SLC4A7: variants seen among roughly 807,000 people sequenced by gnomAD.
SLC4A7 encodes the protein solute carrier family 4 member 7.
SLC4A7 carries 51 observed loss-of-function variants against 137.6 expected under a neutral mutation model. The ratio of observed to expected loss-of-function variants is 0.37; its 90% CI spans 0.30 to 0.47. The LOEUF is 0.47. SLC4A7 is among the 20% of genes least tolerant of loss of function. The pLI, the probability that SLC4A7 is intolerant of heterozygous loss-of-function variation, is 1.00. For synonymous variants in SLC4A7, 542 were observed against 518.6 expected, an observed-to-expected ratio of 1.05 and a Z score of -0.61; for missense variants, 1,247 against 1,525.4, an observed-to-expected ratio of 0.82 and a Z score of 3.04.
chr3:27,430,290 G>A (rs1231655989), intron 7 of SLC4A7, among the ~76,000 whole-genome samples: 2 of 148,648 alleles, frequency 1.3e-5, no homozygotes, highest in African/African-American at 4.9e-5. Context: ...CACCTTATGA[G>A]TGAACTGCAT....
intron 1 of SLC4A7, among the ~76,000 whole-genome samples, chr3:27,453,379 CCAAGGT>C (rs1277288454): frequency 3.3e-5 from 5 of 152,170 alleles, no homozygotes. Flanking sequence ...CTTTGGGAGG[CCAAGGT>C]GGGCAGATCA....
intron 10 of SLC4A7, among the ~76,000 whole-genome samples, chr3:27,419,449 T>A (rs1005204014): frequency 6.6e-6 from 1 of 151,490 alleles, no homozygotes; most frequent in Non-Finnish European, 1.5e-5. Flanking sequence ...ATGCCTGTAA[T>A]CCCAGCTACT....
intron 3 of SLC4A7, among the ~76,000 whole-genome samples, chr3:27,438,002 G>C (rs1295667165): frequency 1.3e-5 from 2 of 152,076 alleles, no homozygotes; most frequent in African/African-American, 4.8e-5. Context: ...CTCGAGACCA[G>C]CCTAGCCAAC....
At chr3:27,401,077 A>C in intron 15 of SLC4A7, 1 of 392,924 alleles carries the variant, frequency 2.5e-6, no homozygotes, top group Non-Finnish European at 4.6e-6. Context: ...ACAAATATCA[A>C]AACGTTTAGT....
chr3:27,462,144 A>G (rs1243327213), intron 1 of SLC4A7, among the ~76,000 whole-genome samples: 4 of 152,164 alleles, frequency 2.6e-5, no homozygotes, highest in African/African-American at 7.2e-5. Context: ...TTAAATTCAC[A>G]TTTAAAACTA....
At chr3:27,464,845 G>A (rs955894845) in intron 1 of SLC4A7, among the ~76,000 whole-genome samples, 1 of 152,208 alleles carries the variant, frequency 6.6e-6, no homozygotes, top group Non-Finnish European at 1.5e-5. Flanking sequence ...AGTGGGGGAA[G>A]AGCCTGGCCC....
intron 20 of SLC4A7, among the ~76,000 whole-genome samples, chr3:27,393,560 A>G (rs979921235): frequency 1.3e-5 from 2 of 152,202 alleles, no homozygotes; most frequent in African/African-American, 4.8e-5. Flanking sequence ...CAGATATTAG[A>G]AAGACTTATT....
intron 3 of SLC4A7, among the ~76,000 whole-genome samples, chr3:27,439,979 G>A (rs1316928209): frequency 1.3e-5 from 2 of 152,196 alleles, no homozygotes; most frequent in East Asian, 3.8e-4. Context: ...AACCTATTTA[G>A]ATAGTTGTAT....
chr3:27,407,623 C>T (rs1026053785), intron 13 of SLC4A7, among the ~76,000 whole-genome samples: 1 of 152,092 alleles, frequency 6.6e-6, no homozygotes, highest in Non-Finnish European at 1.5e-5. Flanking sequence ...ACTGTACTAC[C>T]CTTTCAAATC....
Position 27,400,828 on chromosome 3 carries a change from A to G in SLC4A7, c.2363T>C (p.Leu788Pro), listed in dbSNP as rs775266483. 5.0e-6 allele frequency: 8 copies of G among 1,607,834 alleles called. No individual in the cohort carries two copies. Among genetic ancestry groups the G allele is most frequent in the Non-Finnish European group, 6.8e-6 (8 of 1,174,426 alleles). Residue 788 changes from leucine to proline, a missense_variant, in exon 16 of 26, where the codon CTA (leucine) becomes CCA (proline). This residue lies in a region of SLC4A7 where 499 missense variants were observed against 664.2 expected (regional missense o/e 0.75). Coordinates refer to ENST00000454389, the MANE Select transcript of SLC4A7 (RefSeq NM_001321103.2). ...TEPPNPSNETLAQWKKDNITA... is the reference protein window; with the variant it reads ...TEPPNPSNETPAQWKKDNITA... ...TATATTATCTTTCTTCCATTGTGCT[A>G]GAGTTTCATTGCTGGGGTTTGGAGG...
At chr3:27,467,863 G>A (rs1030593079) in intron 1 of SLC4A7, among the ~76,000 whole-genome samples, 8 of 152,126 alleles carry the variant, frequency 5.3e-5, no homozygotes, top group African/African-American at 1.9e-4. Flanking sequence ...AACTTCTCTA[G>A]CAGTTGCTTT....
chr3:27,373,799 A>G lies in SLC4A7; in HGVS notation c.*2965T>C, dbSNP rs1361121654. On this transcript the variant is annotated 3_prime_UTR_variant, in exon 26 of 26. Transcript: ENST00000454389. ...TTTTTTGGATGAAGAAAACAAGTTA[A>G]TTTTGAGTGGTAAACAAATCTGGTT... is the stretch of plus-strand genomic sequence containing the variant. 1 of 152,584 alleles carries G rather than the reference A, an allele frequency of 6.6e-6. No individual in the cohort carries two copies. Among genetic ancestry groups the G allele is most frequent in the African/African-American group, 2.4e-5 (1 of 41,460 alleles). The allele number at this position is 152,584 out of a possible 1,614,324, so 9.5% of individuals were successfully genotyped here. A position where few individuals can be genotyped will look rare whatever the true frequency, so the allele number is the denominator to read the frequency against.
chr3:27,450,636 A>T (rs1414731141), intron 2 of SLC4A7, among the ~76,000 whole-genome samples: 1 of 152,134 alleles, frequency 6.6e-6, no homozygotes, highest in African/African-American at 2.4e-5. Context: ...AGATAAAAAT[A>T]AATGCTATGA....
At chr3:27,442,090 G>C (rs1010685034) in intron 3 of SLC4A7, among the ~76,000 whole-genome samples, 1 of 151,886 alleles carries the variant, frequency 6.6e-6, no homozygotes, top group Non-Finnish European at 1.5e-5. Context: ...TGGCCAGGCT[G>C]TTCTTGAACT....
At chr3:27,407,404 C>T (rs2053483637) in intron 13 of SLC4A7, among the ~76,000 whole-genome samples, 2 of 151,014 alleles carry the variant, frequency 1.3e-5, no homozygotes, top group Admixed American at 1.3e-4. Flanking sequence ...TGCTTGAACC[C>T]GAGAAGCGGA....
At chr3:27,411,620 A>G in intron 12 of SLC4A7, 22 bp downstream of exon 12, 1 of 1,291,052 alleles carries the variant, frequency 7.7e-7, no homozygotes. Flanking sequence ...AAACCCTTCA[A>G]AATATCAGTA....
At position 27,379,283 on chromosome 3, in the gene SLC4A7, T is replaced by C. The variant is rs1013525083; in HGVS notation, c.3664A>G (p.Thr1222Ala). ...GATCTGGTTACTTTGGCATTCTCAG[T>C]ATTCATGGAAAGTGCCTTCCACTGT... is the stretch of plus-strand genomic sequence containing the variant. The part of the protein sequence containing the change: ...TAQWKALSMN[T>A]ENAKVTRSNM... Residue 1222 changes from threonine (T) to alanine (A), a missense_variant, in exon 25 of 26, where the codon ACT becomes GCT. By Grantham distance (58) the Thr-to-Ala change is moderately conservative (BLOSUM62 0). Transcript: ENST00000454389. 6.5e-7 allele frequency: 1 copy of C among 1,535,226 alleles called. No homozygotes were observed. The highest frequency in any genetic ancestry group is 2.0e-5 in the Admixed American group (1 of 51,010).
At chr3:27,381,118 C>T (rs987179433) in intron 24 of SLC4A7, among the ~76,000 whole-genome samples, 4 of 152,278 alleles carry the variant, frequency 2.6e-5, no homozygotes, top group African/African-American at 4.8e-5. Flanking sequence ...AGCACATTAG[C>T]CATTTCCTGG....
At chr3:27,389,422 T>C (rs2051302725) in intron 22 of SLC4A7, among the ~76,000 whole-genome samples, 1 of 152,156 alleles carries the variant, frequency 6.6e-6, no homozygotes, top group African/African-American at 2.4e-5. Flanking sequence ...TGTGGCCATG[T>C]ACAAAACCAA....
Sources: gnomAD v4.1 joint callset for allele counts (sites outside exome capture counted in the v4.1 genomes callset) on GRCh38, gnomAD v4.1.1 for gene constraint, gnomAD v4.1.1 regional missense constraint, MANE v1.5 for transcripts, NCBI Gene and HGNC (gene_info 2026-07-23, HGNC 2026-07-21) for gene names.